The following CEP350 variants were observed in gnomAD, a reference collection of about 807,000 sequenced individuals.
CEP350 encodes centrosome-associated protein 350.
A neutral mutation model predicts 331.8 loss-of-function variants in CEP350; 126 were observed. That is an observed-to-expected ratio of 0.38 (90% CI 0.33 to 0.44). The LOEUF (loss-of-function observed/expected upper bound fraction) is 0.44, where lower values mean the gene tolerates loss of function less well. Ranked by LOEUF, CEP350 falls within the 20% of genes least tolerant of loss-of-function variation. CEP350 has a pLI of 1.00. For synonymous variants in CEP350, 1,200 were observed against 1,259.5 expected (o/e 0.95, Z 1.00); for missense variants, 3,406 against 3,634.6 (o/e 0.94, Z 1.62).
At chr1:180,015,210 G>GTTCATTTA (rs1314877066) in intron 10 of CEP350, among the ~76,000 whole-genome samples, 41 of 143,480 alleles carry the variant, frequency 2.9e-4, no homozygotes, top group African/African-American at 1.1e-3. Flanking sequence ...CTAGGAAATT[G>GTTCATTTA]TTTATTTATT....
At chr1:180,056,659 G>A (rs1015161992) in intron 25 of CEP350, among the ~76,000 whole-genome samples, 3 of 151,668 alleles carry the variant, frequency 2.0e-5, no homozygotes, top group Admixed American at 6.6e-5. Context: ...ATGGGGTTTC[G>A]CCATGTTACC....
At chr1:180,081,294 T>C (rs907995214) in intron 30 of CEP350, among the ~76,000 whole-genome samples, 1 of 152,198 alleles carries the variant, frequency 6.6e-6, no homozygotes, top group Non-Finnish European at 1.5e-5. Flanking sequence ...TTGTTTTCCA[T>C]GTGTCAGACA....
At chr1:180,011,826 G>A in intron 8 of CEP350, 103 bp from the exon 9 acceptor site, 1 of 746,332 alleles carries the variant, frequency 1.3e-6, no homozygotes, top group Non-Finnish European at 2.1e-6. Flanking sequence ...TTTTGACCTT[G>A]ACAGATGAAC....
At chr1:180,088,421 C>A (rs1368004427) in intron 32 of CEP350, among the ~76,000 whole-genome samples, 6 of 142,526 alleles carry the variant, frequency 4.2e-5, no homozygotes, top group Non-Finnish European at 6.2e-5. Context: ...TGACTAAAAG[C>A]AAAAAAAAAA....
chr1:180,029,309 A>C (rs932486670), intron 14 of CEP350, among the ~76,000 whole-genome samples: 2 of 152,224 alleles, frequency 1.3e-5, no homozygotes, highest in African/African-American at 4.8e-5. Context: ...AAAGTCAAGA[A>C]AAAATTTTAA....
intron 6 of CEP350, among the ~76,000 whole-genome samples, chr1:179,999,502 T>G (rs534536013): frequency 3.9e-4 from 59 of 152,220 alleles, no homozygotes; most frequent in African/African-American, 1.4e-3. Context: ...TGAAAAACTG[T>G]TTTTCTGCCA....
intron 22 of CEP350, chr1:180,052,229 G>T: frequency 2.2e-6 from 1 of 454,066 alleles, no homozygotes; most frequent in East Asian, 7.0e-5. Flanking sequence ...TTAAGAGACG[G>T]GGTCTTGCTC....
At position 179,990,555 on chromosome 1, in the gene CEP350, G is replaced by A. The variant is rs1652980656; in HGVS notation, c.169G>A (p.Val57Met). 6.2e-7 allele frequency: 1 copy of A among 1,606,234 alleles called. No individual in the cohort carries two copies. The highest frequency in any genetic ancestry group is 8.5e-7 in the Non-Finnish European group (1 of 1,175,880). The part of the protein sequence containing the change: ...KLEVAPTSTA[V>M]CDSVMDTKKS... ...AGAAGTAGCCCCTACAAGTACAGCT[G>A]TGTGTGATTCTGTCATGGATACCAA... Residue 57 changes from valine (V) to methionine (M), a missense_variant, in exon 4 of 38, where the codon GTG becomes ATG. This residue lies in a region of CEP350 where 1,857 missense variants were observed against 1,909.2 expected (regional missense o/e 0.97). Coordinates refer to ENST00000367607, the MANE Select transcript of CEP350 (RefSeq NM_014810.5).
Position 180,020,927 on chromosome 1 carries a change from A to AG in CEP350, c.3155dup (p.Pro1053ThrfsTer12). 1 of 1,607,772 alleles carries AG rather than the reference A, an allele frequency of 6.2e-7. No homozygotes were observed. The highest frequency in any genetic ancestry group is 8.5e-7 in the Non-Finnish European group (1 of 1,178,504). ...GGCACATAGGTGGTACACAAAGCAA[A>AG]GGACCATGGGAAGAATTGGCAAAGG... On this transcript the variant is annotated frameshift_variant, in exon 12 of 38. Coordinates refer to ENST00000367607, the MANE Select transcript of CEP350 (RefSeq NM_014810.5). LOFTEE classifies it high-confidence loss of function.
intron 1 of CEP350, among the ~76,000 whole-genome samples, chr1:179,984,476 C>G (rs1210017106): frequency 6.6e-6 from 1 of 152,166 alleles, no homozygotes; most frequent in Non-Finnish European, 1.5e-5. Flanking sequence ...TTCTTTGCCA[C>G]ATGGACATCT....
chr1:180,012,395 C>T (rs1048043740), intron 9 of CEP350, among the ~76,000 whole-genome samples: 1 of 152,056 alleles, frequency 6.6e-6, no homozygotes, highest in African/African-American at 2.4e-5. Flanking sequence ...CTGGTTCATC[C>T]CAACATATTC....
rs146423330 is a variant in CEP350, at chr1:180,093,489, A to C, written c.7384A>C (p.Thr2462Pro). The change falls in exon 34 of 38, where the codon ACT becomes CCT. Residue 2462 changes from threonine (T) to proline (P), a missense_variant. Coordinates refer to ENST00000367607, the MANE Select transcript of CEP350 (RefSeq NM_014810.5). ...SDRLLELKSPTELMKSKERSD... is the reference protein window; with the variant it reads ...SDRLLELKSPPELMKSKERSD... ...CAGGCTGTTGGAACTCAAGTCCCCT[A>C]CTGAGCTGATGAAAAGTAAGGAGCG... 358 of 1,611,298 alleles carry C rather than the reference A, an allele frequency of 2.2e-4. No individual in the cohort carries two copies. In the African/African-American group the frequency reaches 4.3e-3, roughly 20 times the overall value.
rs528853360 is a variant in CEP350, at chr1:180,109,674, C to T, written c.9190-1323C>T. Among the ~76,000 whole-genome samples the T allele has an allele frequency of 1.9e-4, 29 of 152,164 alleles. No individual in the cohort carries two copies. In the East Asian group the frequency reaches 4.5e-3, roughly 23 times the overall value. Reference sequence around the variant, plus strand: ...TTTTTTAGACGGAGTTTCACTCTGTCGCCCAGGCTACAGTGAAGTGGCGCA... The same window carrying T: ...TTTTTTAGACGGAGTTTCACTCTGTTGCCCAGGCTACAGTGAAGTGGCGCA... On this transcript the variant is annotated intron_variant, in intron 37 of 37. Transcript: ENST00000367607.
At chr1:179,965,787 A>AT (rs574449124) in intron 1 of CEP350, among the ~76,000 whole-genome samples, 9,845 of 147,234 alleles carry the variant, frequency 0.067, 442 homozygotes, top group African/African-American at 0.14. Context: ...CACCTGGCTA[A>AT]TTTTTTTTTT....
At chr1:180,104,849 A>T (rs962622243) in intron 37 of CEP350, among the ~76,000 whole-genome samples, 3 of 152,176 alleles carry the variant, frequency 2.0e-5, no homozygotes, top group African/African-American at 7.2e-5. Context: ...CTGATACAGC[A>T]TTCTTGAAGG....
At chr1:180,100,569 C>G (rs1315415345) in intron 37 of CEP350, among the ~76,000 whole-genome samples, 1 of 152,150 alleles carries the variant, frequency 6.6e-6, no homozygotes, top group Non-Finnish European at 1.5e-5. Context: ...GCAAAACAGA[C>G]ACAGACCCCA....
At chr1:180,095,278 A>G (rs1243953821) in intron 34 of CEP350, 1 of 350,118 alleles carries the variant, frequency 2.9e-6, no homozygotes, top group Non-Finnish European at 5.1e-6. Flanking sequence ...AAAAGCGGGG[A>G]GAGCCCTAAT....
At chr1:179,984,996 T>A (rs146432683) in intron 1 of CEP350, among the ~76,000 whole-genome samples, 1 of 152,302 alleles carries the variant, frequency 6.6e-6, no homozygotes, top group Non-Finnish European at 1.5e-5. Context: ...TTTATTGTGG[T>A]AACATATACA....
Position 180,020,449 on chromosome 1 carries a change from G to C in CEP350, c.2675G>C (p.Arg892Thr), listed in dbSNP as rs6692219. 56,634 of 1,613,904 alleles carry C rather than the reference G, an allele frequency of 0.035. 1,371 individuals carry two copies. The highest frequency in any genetic ancestry group is 0.11 in the Middle Eastern group (670 of 6,062). ...KDDNEDVFSA[R>T]IQKMLGSCVS... ...GATAATGAAGATGTTTTCTCTGCCA[G>C]AATTCAGAAGATGCTGGGAAGCTGT... Residue 892 changes from arginine to threonine, a missense_variant, in exon 12 of 38, where the codon AGA (arginine) becomes ACA (threonine). Physicochemically the swap from Arg to Thr is moderately conservative, Grantham distance 71. Coordinates refer to ENST00000367607, the MANE Select transcript of CEP350 (RefSeq NM_014810.5).
Sources: gnomAD v4.1 joint callset for allele counts (sites outside exome capture counted in the v4.1 genomes callset) on GRCh38, gnomAD v4.1.1 for gene constraint, gnomAD v4.1.1 regional missense constraint, MANE v1.5 for transcripts, NCBI Gene and HGNC (gene_info 2026-07-23, HGNC 2026-07-21) for gene names.